SLC25A21: variants seen among roughly 807,000 people sequenced by gnomAD.
SLC25A21 encodes the protein mitochondrial 2-oxodicarboxylate carrier.
SLC25A21 carries 47 observed loss-of-function variants against 43.8 expected under a neutral mutation model. The observed-to-expected ratio is 1.07, with a 90% CI of 0.85 to 1.37. The LOEUF is 1.37. Among genes scored for constraint, SLC25A21 ranks in the 40% most tolerant of loss-of-function variants. SLC25A21 has a pLI of 0.00. For synonymous variants in SLC25A21, 131 were observed against 121.3 expected (o/e 1.08, Z -0.52); for missense variants, 352 against 350.2 (o/e 1.00, Z -0.04).
chr14:37,128,538 C>CTCTCTGTGTG lies in SLC25A21; in HGVS notation c.70+43742_70+43743insCACACAGAGA, dbSNP rs1555348857. ...ACTTTCTGTCTCTCTCTCTCTCTCT[C>CTCTCTGTGTG]TGTGTGTGTGTGTGTGTGTGTGTGT... On this transcript the variant is annotated intron_variant, in intron 1 of 9. Coordinates refer to ENST00000331299, the MANE Select transcript of SLC25A21 (RefSeq NM_030631.4). Among the ~76,000 whole-genome samples the CTCTCTGTGTG allele has an allele frequency of 6.6e-3, 814 of 122,768 alleles. 6 individuals are homozygous for CTCTCTGTGTG. The highest frequency in any genetic ancestry group is 0.017 in the African/African-American group (542 of 31,632). The allele number at this position is 122,768 out of a possible 152,430, so 80.5% of individuals were successfully genotyped here. A position where few individuals can be genotyped will look rare whatever the true frequency, so the allele number is the denominator to read the frequency against.
At chr14:37,035,776 C>G (rs1469897157) in intron 1 of SLC25A21, among the ~76,000 whole-genome samples, 3 of 152,224 alleles carry the variant, frequency 2.0e-5, no homozygotes, top group Non-Finnish European at 4.4e-5. Context: ...ATCTGGAATC[C>G]TAATGGGCCG....
Position 36,931,886 on chromosome 14 carries a change from C to T in SLC25A21, c.71-56882G>A, listed in dbSNP as rs959491501. Among the ~76,000 whole-genome samples the T allele has an allele frequency of 3.9e-5, 6 of 152,086 alleles. No homozygotes were observed. In the East Asian group the frequency reaches 1.2e-3, roughly 29 times the overall value. On this transcript the variant is annotated intron_variant, in intron 1 of 9. Transcript: ENST00000331299. ...AAAATAAAATTAAATTAATTTCCAA[C>T]GATTTCTGAGAATTTCATAATGAAC...
intron 2 of SLC25A21, among the ~76,000 whole-genome samples, chr14:36,873,790 TAAG>T (rs1890442102): frequency 6.6e-6 from 1 of 152,094 alleles, no homozygotes; most frequent in Non-Finnish European, 1.5e-5. Context: ...AATGGCTTTA[TAAG>T]AAGAGGAAGA....
intron 1 of SLC25A21, among the ~76,000 whole-genome samples, chr14:37,148,854 C>T (rs915286231): frequency 4.6e-5 from 7 of 152,084 alleles, no homozygotes; most frequent in African/African-American, 1.7e-4. Context: ...TTGTGAAAAG[C>T]CTCTTTGCAG....
chr14:37,109,826 T>C (rs560264185), intron 1 of SLC25A21, among the ~76,000 whole-genome samples: 2 of 152,308 alleles, frequency 1.3e-5, no homozygotes, highest in Non-Finnish European at 2.9e-5. Context: ...ACCAATTCTT[T>C]TCTATAGATA....
At chr14:37,101,244 C>G (rs1295820154) in intron 1 of SLC25A21, among the ~76,000 whole-genome samples, 2 of 152,138 alleles carry the variant, frequency 1.3e-5, no homozygotes, top group East Asian at 3.8e-4. Flanking sequence ...ATTTCCACTA[C>G]AAACAGTCTA....
At chr14:36,781,485 T>G (rs1887059968) in intron 3 of SLC25A21, among the ~76,000 whole-genome samples, 1 of 152,180 alleles carries the variant, frequency 6.6e-6, no homozygotes, top group Non-Finnish European at 1.5e-5. Flanking sequence ...TCTCTTTTGT[T>G]TATCTACTGC....
At chr14:36,990,702 C>A (rs948172444) in intron 1 of SLC25A21, among the ~76,000 whole-genome samples, 1 of 152,038 alleles carries the variant, frequency 6.6e-6, no homozygotes, top group Non-Finnish European at 1.5e-5. Context: ...CGTAGTAAGA[C>A]CTCATGTCTA....
intron 2 of SLC25A21, among the ~76,000 whole-genome samples, chr14:36,847,453 T>G (rs1889582284): frequency 6.6e-6 from 1 of 152,238 alleles, no homozygotes; most frequent in African/African-American, 2.4e-5. Context: ...TCATAGTTCC[T>G]GCCTTTGCAA....
At chr14:36,706,825 T>C (rs1302772597) in intron 7 of SLC25A21, among the ~76,000 whole-genome samples, 1 of 152,150 alleles carries the variant, frequency 6.6e-6, no homozygotes, top group African/African-American at 2.4e-5. Flanking sequence ...CCACTTTGTA[T>C]TGCAGTCATT....
intron 3 of SLC25A21, among the ~76,000 whole-genome samples, chr14:36,813,176 T>C (rs1367584737): frequency 6.6e-6 from 1 of 152,120 alleles, no homozygotes; most frequent in Admixed American, 6.6e-5. Context: ...CAGCCAGTCA[T>C]CTACATTAGG....
intron 1 of SLC25A21, among the ~76,000 whole-genome samples, chr14:37,016,121 C>T (rs1960849814): frequency 6.6e-6 from 1 of 152,088 alleles, no homozygotes; most frequent in African/African-American, 2.4e-5. Flanking sequence ...CTTGCCCATG[C>T]CTATGTCCTG....
chr14:36,962,924 T>G (rs558944531), intron 1 of SLC25A21, among the ~76,000 whole-genome samples: 4 of 152,300 alleles, frequency 2.6e-5, no homozygotes, highest in Admixed American at 2.6e-4. Context: ...GAGGTAGAGA[T>G]AGTAGGTATG....
chr14:36,889,708 G>A (rs1240561447), intron 1 of SLC25A21, among the ~76,000 whole-genome samples: 2 of 151,278 alleles, frequency 1.3e-5, no homozygotes, highest in Non-Finnish European at 2.9e-5. Context: ...GTCCAGGCTG[G>A]TCTCAAACTC....
intron 7 of SLC25A21, among the ~76,000 whole-genome samples, chr14:36,696,403 C>G (rs1363551395): frequency 6.6e-6 from 1 of 152,162 alleles, no homozygotes; most frequent in Admixed American, 6.5e-5. Flanking sequence ...GCTTTGGTAT[C>G]AGGATGATGC....
At chr14:37,094,755 A>C (rs928127269) in intron 1 of SLC25A21, among the ~76,000 whole-genome samples, 9 of 152,170 alleles carry the variant, frequency 5.9e-5, no homozygotes, top group Non-Finnish European at 1.0e-4. Context: ...AAAAAACTGC[A>C]AACAAGTTAA....
intron 1 of SLC25A21, among the ~76,000 whole-genome samples, chr14:36,945,535 AAAGG>A (rs1396674158): frequency 6.6e-6 from 1 of 152,214 alleles, no homozygotes; most frequent in Non-Finnish European, 1.5e-5. Context: ...TTAGCCTTAA[AAAGG>A]AAGGACATTC....
intron 2 of SLC25A21, among the ~76,000 whole-genome samples, chr14:36,817,292 G>A (rs1566643377): frequency 1.3e-5 from 2 of 152,140 alleles, no homozygotes; most frequent in African/African-American, 4.8e-5. Context: ...TGTTCACGAG[G>A]GGAGCAATTA....
chr14:37,005,088 A>T (rs1960570991), intron 1 of SLC25A21, among the ~76,000 whole-genome samples: 2 of 151,904 alleles, frequency 1.3e-5, no homozygotes, highest in Non-Finnish European at 2.9e-5. Context: ...GAATAATCGA[A>T]TCCCCTAAGG....
Sources: allele counts gnomAD v4.1 joint callset (sites outside exome capture counted in the v4.1 genomes callset), GRCh38; gene constraint gnomAD v4.1.1; transcripts MANE v1.5; gene names NCBI Gene and HGNC (gene_info 2026-07-23, HGNC 2026-07-21).